CCDC63: variants seen among roughly 807,000 people sequenced by gnomAD.
The protein encoded by CCDC63 is coiled-coil domain containing 63.
A neutral mutation model predicts 63.6 loss-of-function variants in CCDC63; 54 were observed. The ratio of observed to expected loss-of-function variants is 0.85; its 90% CI spans 0.68 to 1.07. The LOEUF is 1.07. Among genes scored for constraint, CCDC63 ranks in the 50% least tolerant of loss-of-function variants. CCDC63 has a pLI of 0.00. For missense variants in CCDC63, 637 were observed against 689.6 expected (o/e 0.92, Z 0.86); for synonymous variants, 253 against 266.1 (o/e 0.95, Z 0.48).
chr12:110,877,358 G>A (rs2071144152), intron 5 of CCDC63, among the ~76,000 whole-genome samples: 1 of 151,498 alleles, frequency 6.6e-6, no homozygotes, highest in Non-Finnish European at 1.5e-5. Flanking sequence ...GACTACAGGT[G>A]TGCGCCACCA....
Position 110,853,291 on chromosome 12 carries a change from C to G in CCDC63, c.10-114C>G. The G allele has an allele frequency of 9.6e-6, 10 of 1,041,510 alleles. No individual in the cohort carries two copies. The South Asian group carries it at 1.6e-4, about 17-fold the overall frequency. 64.5% of individuals were successfully genotyped at this position (1,041,510 alleles called of 1,614,324 possible). ...CTGACATCACCCAAGGGAAGGTCTT[C>G]CACTTCTAGCCATGGCCCAGCCACC... On this transcript the variant is annotated intron_variant, in intron 2 of 11. Transcript: ENST00000308208.
chr12:110,867,680 G>A (rs550312097), intron 4 of CCDC63, among the ~76,000 whole-genome samples: 50 of 116,942 alleles, frequency 4.3e-4, no homozygotes, highest in African/African-American at 1.4e-3. Flanking sequence ...CCTCCCAGAC[G>A]GGGCGGCTGG....
chr12:110,865,464 C>CAAAAAAAAAAAAAAAAAAGAAAAAA (rs2070932635), intron 4 of CCDC63, among the ~76,000 whole-genome samples: 1 of 102,370 alleles, frequency 9.8e-6, no homozygotes, highest in Non-Finnish European at 2.0e-5. Flanking sequence ...CAGCATATAC[C>CAAAAAAAAAAAAAAAAAAGAAAAAA]AAAAAAAAAA....
chr12:110,876,099 C>G (rs1255607236), intron 5 of CCDC63, among the ~76,000 whole-genome samples: 2 of 134,210 alleles, frequency 1.5e-5, no homozygotes, highest in African/African-American at 5.8e-5. Flanking sequence ...GAGTGAGAAC[C>G]TGTCTCAAAA....
chr12:110,850,640 C>A (rs1477736343), intron 1 of CCDC63, among the ~76,000 whole-genome samples: 1 of 152,188 alleles, frequency 6.6e-6, no homozygotes, highest in African/African-American at 2.4e-5. Context: ...ACTTGGGAGG[C>A]TGAGGCAGGA....
chr12:110,880,018 A>C lies in CCDC63; in HGVS notation c.602A>C (p.His201Pro). The C allele has an allele frequency of 1.2e-6, 2 of 1,614,200 alleles. No homozygotes were observed. Among genetic ancestry groups the C allele is most frequent in the Non-Finnish European group, 1.7e-6 (2 of 1,180,024 alleles). Residue 201 changes from histidine to proline, a missense_variant, in exon 6 of 12, where the codon CAC becomes CCC. Physicochemically the swap from His to Pro is moderately conservative, Grantham distance 77 (BLOSUM62 -2). Transcript: ENST00000308208. ...GACAATGTCTACCAGCAGCTCCAGC[A>C]CTGCCTGTTGATGGAGAAGAAAACC... is the stretch of plus-strand genomic sequence containing the variant. ...AYDNVYQQLQ[H>P]CLLMEKKTMN...
At chr12:110,900,788 T>C (rs1451042413) in intron 10 of CCDC63, among the ~76,000 whole-genome samples, 2 of 152,000 alleles carry the variant, frequency 1.3e-5, no homozygotes, top group South Asian at 2.1e-4. Context: ...TTAGTAGAGA[T>C]GGGGTTTCAC....
intron 5 of CCDC63, among the ~76,000 whole-genome samples, chr12:110,874,600 G>C (rs2071108051): frequency 6.6e-6 from 1 of 152,244 alleles, no homozygotes; most frequent in Admixed American, 6.5e-5. Flanking sequence ...TCTCCTCTGA[G>C]TGGATTTCAT....
chr12:110,894,038 G>T (rs73421363), intron 9 of CCDC63, among the ~76,000 whole-genome samples: 310 of 151,958 alleles, frequency 2.0e-3, no homozygotes, highest in African/African-American at 6.9e-3. Context: ...GCACTTCAGG[G>T]CTGGTATGGC....
At chr12:110,881,421 A>G (rs2071208300) in intron 7 of CCDC63, 125 bp downstream of exon 7, 1 of 982,054 alleles carries the variant, frequency 1.0e-6, no homozygotes, top group South Asian at 1.6e-5. Context: ...AAATAAAGAT[A>G]TAAGATGCCT....
intron 1 of CCDC63, among the ~76,000 whole-genome samples, chr12:110,850,689 C>T (rs889106961): frequency 2.0e-5 from 3 of 152,058 alleles, no homozygotes; most frequent in East Asian, 1.9e-4. Context: ...TGCAGTGAGC[C>T]GAGATTGTGC....
intron 3 of CCDC63, 24 bp from the exon 4 acceptor site, chr12:110,858,562 A>C (rs773426947): frequency 1.3e-6 from 2 of 1,594,092 alleles, no homozygotes; most frequent in South Asian, 2.3e-5. Flanking sequence ...GTTTGGGGTT[A>C]ATCATGGGCT....
intron 7 of CCDC63, among the ~76,000 whole-genome samples, chr12:110,882,777 C>T (rs563127502): frequency 4.6e-4 from 70 of 152,220 alleles, no homozygotes; most frequent in African/African-American, 1.6e-3. Flanking sequence ...GGAGGATCGC[C>T]TGAGCCTCCC....
intron 8 of CCDC63, among the ~76,000 whole-genome samples, chr12:110,890,390 C>T (rs2071341337): frequency 6.6e-6 from 1 of 151,966 alleles, no homozygotes; most frequent in African/African-American, 2.4e-5. Flanking sequence ...TTACCAAAAA[C>T]ATGAAGCAAT....
At chr12:110,891,634 C>CAAA (rs1167265918) in intron 8 of CCDC63, among the ~76,000 whole-genome samples, 1,855 of 65,042 alleles carry the variant, frequency 0.029, 33 homozygotes, top group Admixed American at 0.063. Flanking sequence ...GACCCTTTCT[C>CAAA]AAAAAAAAAA....
intron 10 of CCDC63, among the ~76,000 whole-genome samples, chr12:110,901,975 C>T (rs559052069): frequency 2.0e-5 from 3 of 152,116 alleles, no homozygotes; most frequent in East Asian, 1.9e-4. Flanking sequence ...GGATTATAGG[C>T]GCCCACCACC....
upstream of CCDC63, chr12:110,846,783 G>A (rs2070642337): frequency 6.6e-6 from 1 of 152,292 alleles, no homozygotes; most frequent in African/African-American, 2.4e-5. Flanking sequence ...TGAGGGTCCG[G>A]GTAGTCTGGT....
chr12:110,893,803 G>A (rs1224685287), intron 9 of CCDC63, among the ~76,000 whole-genome samples: 1 of 152,058 alleles, frequency 6.6e-6, no homozygotes, highest in Non-Finnish European at 1.5e-5. Context: ...TAAGAAATAA[G>A]TCTGCCACCC....
chr12:110,892,970 G>A lies in CCDC63; in HGVS notation c.1075-106G>A, dbSNP rs1195183554. On this transcript the variant is annotated intron_variant, in intron 8 of 11. Transcript: ENST00000308208. Reference sequence around the variant, plus strand: ...CCAGGTGTTTGGGGCTCTTTGAAACGGATCATTGAAATCCTCATCGACTCT... The same window carrying A: ...CCAGGTGTTTGGGGCTCTTTGAAACAGATCATTGAAATCCTCATCGACTCT... The A allele has an allele frequency of 1.4e-5, 12 of 859,804 alleles. 1 individual carries two copies. Among genetic ancestry groups the A allele is most frequent in the South Asian group, 4.9e-5 (3 of 61,066 alleles). 53.3% of individuals were successfully genotyped at this position (859,804 alleles called of 1,614,324 possible). A position where few individuals can be genotyped will look rare whatever the true frequency, so the allele number is the denominator to read the frequency against.
Sources: allele counts gnomAD v4.1 joint callset (sites outside exome capture counted in the v4.1 genomes callset), GRCh38; gene constraint gnomAD v4.1.1; transcripts MANE v1.5; gene names NCBI Gene and HGNC (gene_info 2026-07-23, HGNC 2026-07-21).